The following CLEC18B variants were observed in gnomAD, a reference collection of about 807,000 sequenced individuals.
The protein encoded by CLEC18B is C-type lectin domain family 18 member B.
A neutral mutation model predicts 60.4 loss-of-function variants in CLEC18B; 5 were observed. The ratio of observed to expected loss-of-function variants is 0.08; its 90% CI spans 0.04 to 0.17. The LOEUF (loss-of-function observed/expected upper bound fraction) is 0.17, where lower values mean the gene tolerates loss of function less well. Among genes scored for constraint, CLEC18B ranks in the 10% least tolerant of loss-of-function variants. CLEC18B has a pLI of 1.00. For synonymous variants in CLEC18B, 16 were observed against 221.2 expected (o/e 0.07, Z 8.23); for missense variants, 26 against 572.8 (o/e 0.05, Z 9.74).
upstream of CLEC18B, chr16:74,422,197 A>C (rs2013714167): frequency 6.6e-6 from 1 of 152,080 alleles, no homozygotes; most frequent in African/African-American, 2.4e-5. Context: ...GCGTGATCCC[A>C]CCAGAGTGAG....
chr16:74,422,030 G>C (rs1351774204), upstream of CLEC18B: 12 of 146,502 alleles, frequency 8.2e-5, no homozygotes, highest in African/African-American at 2.3e-4. Context: ...GCCAGGGGGG[G>C]AGTGAGGCAG....
At chr16:74,422,746 C>T (rs1282533192), upstream of CLEC18B, among the ~76,000 whole-genome samples, 2 of 152,154 alleles carry the variant, frequency 1.3e-5, no homozygotes, top group African/African-American at 4.8e-5. Context: ...CTCACTGCAG[C>T]CTTGACCTCT....
upstream of CLEC18B, among the ~76,000 whole-genome samples, chr16:74,423,674 G>A (rs1440708439): frequency 1.9e-4 from 29 of 150,530 alleles, no homozygotes; most frequent in Admixed American, 3.3e-4. Flanking sequence ...GGGCAACAGA[G>A]CGAGACTCTG....
chr16:74,423,462 G>A (rs1244650365), upstream of CLEC18B, among the ~76,000 whole-genome samples: 2 of 152,302 alleles, frequency 1.3e-5, no homozygotes, highest in African/African-American at 2.4e-5. Context: ...GCCAAGGCAG[G>A]CGGATCACTT....
chr16:74,420,102 CCCCTCCCCAGCCCAGCACGACCTTCT>C (rs1347990051), intron 2 of CLEC18B, among the ~76,000 whole-genome samples: 5 of 152,094 alleles, frequency 3.3e-5, no homozygotes, highest in Non-Finnish European at 5.9e-5. Flanking sequence ...CGCACAGAAG[CCCCTCCCCAGCCCAGCACGACCTTCT>C]CCCTCCCTGG....
intron 2 of CLEC18B, among the ~76,000 whole-genome samples, chr16:74,418,777 C>G (rs1319230844): frequency 6.6e-6 from 1 of 152,060 alleles, no homozygotes; most frequent in African/African-American, 2.4e-5. Flanking sequence ...CCACGCACAG[C>G]TGACCCCGCC....
At chr16:74,416,061 C>G (rs1160628980) in intron 3 of CLEC18B, among the ~76,000 whole-genome samples, 9 of 152,322 alleles carry the variant, frequency 5.9e-5, no homozygotes, top group Middle Eastern at 6.8e-3. Flanking sequence ...GAGATCAAGA[C>G]CACCCTGGCT....
chr16:74,416,236 C>A (rs2013409143), intron 3 of CLEC18B, among the ~76,000 whole-genome samples: 2 of 144,138 alleles, frequency 1.4e-5, no homozygotes, highest in Admixed American at 7.8e-5. Context: ...GCACAGCAGC[C>A]TGCGCGACAG....
At chr16:74,413,249 T>A in intron 4 of CLEC18B, 91 bp from the exon 5 acceptor site, 1 of 1,611,612 alleles carries the variant, frequency 6.2e-7, no homozygotes, top group Non-Finnish European at 8.5e-7. Flanking sequence ...CCCTGGCCCC[T>A]TCAGCTCCTG....
At chr16:74,419,939 C>T (rs549613060) in intron 2 of CLEC18B, among the ~76,000 whole-genome samples, 2 of 152,296 alleles carry the variant, frequency 1.3e-5, no homozygotes, top group Admixed American at 1.3e-4. Context: ...CCCAACCCCG[C>T]AGCCCCAGCC....
At chr16:74,421,710 G>A, upstream of CLEC18B, 2 of 283,816 alleles carry the variant, frequency 7.0e-6, no homozygotes, top group South Asian at 8.7e-5. Flanking sequence ...GCCCACTGAT[G>A]GCTTCCGCTC....
At chr16:74,419,136 CT>C (rs1430529092) in intron 2 of CLEC18B, among the ~76,000 whole-genome samples, 1 of 152,282 alleles carries the variant, frequency 6.6e-6, no homozygotes, top group African/African-American at 2.4e-5. Flanking sequence ...ATCACCACCC[CT>C]GGGTGACTTG....
chr16:74,419,937 C>G (rs529359943), intron 2 of CLEC18B, among the ~76,000 whole-genome samples: 1 of 152,290 alleles, frequency 6.6e-6, no homozygotes, highest in Non-Finnish European at 1.5e-5. Flanking sequence ...GTCCCAACCC[C>G]GCAGCCCCAG....
rs1242910170 is a variant in CLEC18B, at chr16:74,414,389, T to A, written c.457-713A>T. On this transcript the variant is annotated intron_variant, in intron 3 of 11. Transcript: ENST00000682950. ...GCAGCAAAGAGAGGTGTCTCTTTCC[T>A]TGCTCCTTGAATCTGGCTGGCTCTG... 2.6e-5 allele frequency among the ~76,000 whole-genome samples: 4 copies of A among 152,280 alleles called. No individual in the cohort carries two copies. In the South Asian group the frequency reaches 8.3e-4, roughly 32 times the overall value.
rs2013508047 is a variant in CLEC18B, at chr16:74,418,131, A to G, written c.384T>C (p.Phe128=). ...CGTGGCTGTACCGCTGCCCCTCTGC[A>G]AACCACAGGCTGACCACTTCAACAA... ...ASFVEVVSLW[F]AEGQRYSHAA... Residue 128 remains phenylalanine, a synonymous_variant, in exon 3 of 12, where the codon TTT becomes TTC. Transcript: ENST00000682950. 1 of 1,510,772 alleles carries G rather than the reference A, an allele frequency of 6.6e-7. No homozygotes were observed. Among genetic ancestry groups the G allele is most frequent in the South Asian group, 1.1e-5 (1 of 87,156 alleles). 93.6% of individuals were successfully genotyped at this position (1,510,772 alleles called of 1,614,324 possible).
chr16:74,410,032 C>G (rs2013056879), intron 10 of CLEC18B, among the ~76,000 whole-genome samples: 1 of 152,274 alleles, frequency 6.6e-6, no homozygotes, highest in Admixed American at 6.5e-5. Context: ...CCTTGGTGGC[C>G]TCGCAGCCGG....
chr16:74,422,913 C>T (rs1201706480), upstream of CLEC18B, among the ~76,000 whole-genome samples: 12 of 148,014 alleles, frequency 8.1e-5, no homozygotes, highest in Admixed American at 5.6e-4. Context: ...GGGATCTTCC[C>T]ACCTTGGCCT....
chr16:74,419,016 A>C (rs982905193), intron 2 of CLEC18B, among the ~76,000 whole-genome samples: 2 of 152,240 alleles, frequency 1.3e-5, no homozygotes, highest in African/African-American at 4.8e-5. Context: ...GCTGGTGTCA[A>C]ACTGCTGACC....
chr16:74,416,398 GT>G, intron 3 of CLEC18B, among the ~76,000 whole-genome samples: 1 of 152,364 alleles, frequency 6.6e-6, no homozygotes, highest in South Asian at 2.1e-4. Flanking sequence ...CTGAGCCAGG[GT>G]TTTACTCCTG....
Sources: allele counts gnomAD v4.1 joint callset (sites outside exome capture counted in the v4.1 genomes callset), GRCh38; gene constraint gnomAD v4.1.1; transcripts MANE v1.5; gene names NCBI Gene and HGNC (gene_info 2026-07-23, HGNC 2026-07-21).